The following DHRSX variants were observed in gnomAD, a reference collection of about 807,000 sequenced individuals.
DHRSX encodes the protein dehydrogenase/reductase X-linked, also known as polyprenol dehydrogenase.
In DHRSX, 31 loss-of-function variants were observed where a neutral mutation model predicts 34.0. The ratio of observed to expected loss-of-function variants is 0.91; its 90% CI spans 0.69 to 1.23. The LOEUF is 1.23. Ranked by LOEUF, DHRSX falls within the 50% of genes most tolerant of loss-of-function variation. DHRSX has a pLI of 0.00. For missense variants in DHRSX, 414 were observed against 428.1 expected, an observed-to-expected ratio of 0.97 and a Z score of 0.29; for synonymous variants, 201 against 183.8, an observed-to-expected ratio of 1.09 and a Z score of -0.76.
At chrX:2,383,804 C>A (rs756230423) in intron 3 of DHRSX, among the ~76,000 whole-genome samples, 2 of 152,200 alleles carry the variant, frequency 1.3e-5, no homozygotes, top group African/African-American at 4.8e-5. Flanking sequence ...AACTGCTTTA[C>A]AGCATGCTAT....
chrX:2,307,402 C>A (rs540453543), intron 3 of DHRSX, among the ~76,000 whole-genome samples: 3 of 152,030 alleles, frequency 2.0e-5, no homozygotes, highest in Non-Finnish European at 2.9e-5. Flanking sequence ...GAAGCGTGAA[C>A]CGCAGCACTA....
rs779558142 is a variant in DHRSX at position 2,399,725 on chromosome X, C to CAAAAAAA, written c.286+9013_286+9019dup. Reference sequence around the variant, plus strand: ...CGTCTCAAAACAAACAAACAAAAAGCAAAAAAAAAAAAAAAAACAAAAAAA... The same window carrying CAAAAAAA: ...CGTCTCAAAACAAACAAACAAAAAGCAAAAAAAAAAAAAAAAAAAAAAAACAAAAAAA... On this transcript the variant is annotated intron_variant, in intron 3 of 6. Transcript: ENST00000334651. 3.1e-3 allele frequency among the ~76,000 whole-genome samples: 108 copies of CAAAAAAA among 35,078 alleles called. 1 individual carries two copies. The highest frequency in any genetic ancestry group is 4.4e-3 in the East Asian group (5 of 1,126). 23.0% of individuals were successfully genotyped at this position (35,078 alleles called of 152,430 possible). A position where few individuals can be genotyped will look rare whatever the true frequency, so the allele number is the denominator to read the frequency against.
chrX:2,479,319 C>G (rs1201403896), intron 1 of DHRSX, among the ~76,000 whole-genome samples: 3 of 150,094 alleles, frequency 2.0e-5, no homozygotes, highest in Non-Finnish European at 4.4e-5. Flanking sequence ...ACTGTGCACA[C>G]TGAAGATGAT....
At chrX:2,500,265 G>A (rs757149936) in intron 1 of DHRSX, 6 of 166,018 alleles carry the variant, frequency 3.6e-5, no homozygotes, top group Non-Finnish European at 6.6e-5. Flanking sequence ...CCGCCTCTGG[G>A]CCCCCTCTGG....
chrX:2,262,513 G>A (rs2039687094), intron 5 of DHRSX, among the ~76,000 whole-genome samples: 1 of 152,000 alleles, frequency 6.6e-6, no homozygotes, highest in Non-Finnish European at 1.5e-5. Flanking sequence ...CTGTGCATAT[G>A]GGCACGCATG....
At chrX:2,490,309 C>A in intron 1 of DHRSX, 1 of 1,613,428 alleles carries the variant, frequency 6.2e-7, no homozygotes, top group Non-Finnish European at 8.5e-7. Flanking sequence ...CTGGGTACAG[C>A]CCCTCGCAGA....
intron 6 of DHRSX, among the ~76,000 whole-genome samples, chrX:2,222,653 G>A (rs1179442263): frequency 6.6e-6 from 1 of 152,208 alleles, no homozygotes; most frequent in Non-Finnish European, 1.5e-5. Context: ...CAAGGCAGGA[G>A]GACTGCTTGA....
At chrX:2,381,814 A>AAAAC in intron 3 of DHRSX, among the ~76,000 whole-genome samples, 1 of 149,732 alleles carries the variant, frequency 6.7e-6, no homozygotes, top group Non-Finnish European at 1.5e-5. Context: ...AAAAAAAAAA[A>AAAAC]AAAAAAGCCA....
rs141124931 is a variant in DHRSX, at chrX:2,305,259, G to A, written c.287-13656C>T. Among the ~76,000 whole-genome samples, 891 of 152,158 alleles carry A rather than the reference G, an allele frequency of 5.9e-3. 16 individuals are homozygous for A. The highest frequency in any genetic ancestry group is 0.02 in the African/African-American group (836 of 41,526). On this transcript the variant is annotated intron_variant, in intron 3 of 6. Transcript: ENST00000334651. ...AGGAAAAATAGCTAATGCCTGCTCA[G>A]TAGTGAAGTACAAATCAAAACCACA...
intron 3 of DHRSX, among the ~76,000 whole-genome samples, chrX:2,316,641 A>C (rs1391505500): frequency 5.3e-5 from 8 of 152,188 alleles, no homozygotes; most frequent in Non-Finnish European, 1.2e-4. Context: ...TTACTCATTC[A>C]TCTCACCCTC....
chrX:2,308,908 A>G (rs2042132194), intron 3 of DHRSX, among the ~76,000 whole-genome samples: 1 of 149,324 alleles, frequency 6.7e-6, no homozygotes, highest in African/African-American at 2.5e-5. Context: ...AAGAAGGAGA[A>G]ACAAGGTCCC....
intron 4 of DHRSX, among the ~76,000 whole-genome samples, chrX:2,273,012 C>G (rs972772440): frequency 4.6e-5 from 7 of 152,198 alleles, no homozygotes; most frequent in African/African-American, 1.7e-4. Context: ...GTGGCTCACG[C>G]CTGTCATCCC....
chrX:2,464,508 T>G (rs1246370747), intron 1 of DHRSX, among the ~76,000 whole-genome samples: 18 of 88,830 alleles, frequency 2.0e-4, no homozygotes, highest in Non-Finnish European at 3.5e-4. Context: ...ACTGCTGCCG[T>G]GTGCACACTG....
At position 2,323,202 on chromosome X, in the gene DHRSX, G is replaced by A. The variant is rs755085646; in HGVS notation, c.287-31599C>T. Among the ~76,000 whole-genome samples the A allele has an allele frequency of 2.0e-4, 31 of 152,302 alleles. 1 individual carries two copies. The highest frequency in any genetic ancestry group is 7.2e-4 in the African/African-American group (30 of 41,570). On this transcript the variant is annotated intron_variant, in intron 3 of 6. Coordinates refer to ENST00000334651, the MANE Select transcript of DHRSX (RefSeq NM_145177.3). The stretch of plus-strand genomic sequence containing the variant: ...TTATCCAACCAACAAGCACCTGGAA[G>A]GCAGAATAAAGACTCAGGTAGCCAA...
chrX:2,456,099 C>T (rs1207500461), intron 1 of DHRSX, among the ~76,000 whole-genome samples: 4 of 152,220 alleles, frequency 2.6e-5, no homozygotes, highest in Non-Finnish European at 4.4e-5. Flanking sequence ...CCACAGCATC[C>T]TCACCAGCCT....
At chrX:2,272,159 A>G (rs1398506422) in intron 4 of DHRSX, among the ~76,000 whole-genome samples, 4 of 152,220 alleles carry the variant, frequency 2.6e-5, no homozygotes, top group Non-Finnish European at 4.4e-5. Context: ...CAACAAAAAA[A>G]CAAAAACACC....
At chrX:2,289,156 T>C (rs2041838644) in intron 4 of DHRSX, among the ~76,000 whole-genome samples, 2 of 151,986 alleles carry the variant, frequency 1.3e-5, no homozygotes, top group South Asian at 4.2e-4. Flanking sequence ...CTTGCTCTGT[T>C]GCTCAGGCTG....
rs777528211 is a variant in DHRSX, at chrX:2,320,795, C to A, written c.287-29192G>T. ...AGAGACAGTCACTGCCAAGCCGCTT[C>A]GTGGATTGTCATTAGCTTCCAATGA... On this transcript the variant is annotated intron_variant, in intron 3 of 6. Coordinates refer to ENST00000334651, the MANE Select transcript of DHRSX (RefSeq NM_145177.3). Among the ~76,000 whole-genome samples the A allele has an allele frequency of 2.2e-3, 335 of 151,756 alleles. 1 individual carries two copies. Among genetic ancestry groups the A allele is most frequent in the African/African-American group, 7.3e-3 (301 of 41,382 alleles).
intron 4 of DHRSX, among the ~76,000 whole-genome samples, chrX:2,288,991 T>C (rs1188447338): frequency 4.6e-5 from 7 of 152,022 alleles, no homozygotes; most frequent in African/African-American, 1.7e-4. Flanking sequence ...CTGGTTAGCC[T>C]GTGTCAACTG....
Sources: gnomAD v4.1 joint callset for allele counts (sites outside exome capture counted in the v4.1 genomes callset) on GRCh38, gnomAD v4.1.1 for gene constraint, MANE v1.5 for transcripts, NCBI Gene and HGNC (gene_info 2026-07-23, HGNC 2026-07-21) for gene names.